The following MARCHF6 variants were observed in gnomAD, a reference collection of about 807,000 sequenced individuals.
MARCHF6 encodes the protein E3 ubiquitin-protein ligase MARCHF6.
In MARCHF6, 31 loss-of-function variants were observed where a neutral mutation model predicts 133.7. The observed-to-expected ratio is 0.23, with a 90% CI of 0.17 to 0.31. The LOEUF (loss-of-function observed/expected upper bound fraction) is 0.31, where lower values mean the gene tolerates loss of function less well. MARCHF6 is among the 10% of genes least tolerant of loss of function. The pLI is 1.00. For missense variants in MARCHF6, 723 were observed against 1,121.6 expected, an observed-to-expected ratio of 0.64 and a Z score of 5.08; for synonymous variants, 395 against 402.5, an observed-to-expected ratio of 0.98 and a Z score of 0.22.
intron 9 of MARCHF6, among the ~76,000 whole-genome samples, 179 bp downstream of exon 9, chr5:10,394,964 TA>T (rs1469232783): frequency 2.0e-5 from 3 of 152,130 alleles, no homozygotes; most frequent in African/African-American, 7.2e-5. Flanking sequence ...CATGCCCGGC[TA>T]ATTTTTTGTA....
At chr5:10,417,153 G>A (rs541225303) in intron 21 of MARCHF6, 117 bp from the exon 22 acceptor site, 1 of 1,167,816 alleles carries the variant, frequency 8.6e-7, no homozygotes. Flanking sequence ...AGTCCCCGTG[G>A]ATACTGAGGG....
rs550547711 is a variant in MARCHF6, at chr5:10,353,893, G to C, written c.-6G>C. On this transcript the variant is annotated 5_prime_UTR_variant, in exon 1 of 26. Transcript: ENST00000274140. ...TGGCTGCGTCACCGCCGCCCCCCCA[G>C]ACAAGATGGACACCGCGGAGGAAGG... The C allele has an allele frequency of 1.3e-6, 2 of 1,564,724 alleles. No individual in the cohort carries two copies. Among genetic ancestry groups the C allele is most frequent in the Non-Finnish European group, 1.7e-6 (2 of 1,159,652 alleles).
intron 6 of MARCHF6, among the ~76,000 whole-genome samples, chr5:10,391,052 G>C (rs185601338): frequency 6.6e-6 from 1 of 152,304 alleles, no homozygotes; most frequent in African/African-American, 2.4e-5. Flanking sequence ...TCCCACATCA[G>C]ATACATTTAA....
At chr5:10,396,945 T>G (rs1483351172) in intron 9 of MARCHF6, among the ~76,000 whole-genome samples, 1 of 152,238 alleles carries the variant, frequency 6.6e-6, no homozygotes, top group Non-Finnish European at 1.5e-5. Context: ...GGCTTTCAAA[T>G]TTTTCTCCAT....
chr5:10,364,707 G>A (rs1030800776), intron 1 of MARCHF6, among the ~76,000 whole-genome samples: 6 of 152,202 alleles, frequency 3.9e-5, no homozygotes, highest in African/African-American at 1.4e-4. Context: ...ACCATGACTT[G>A]CGTATCTGTT....
intron 1 of MARCHF6, among the ~76,000 whole-genome samples, chr5:10,375,463 G>T (rs1165459607): frequency 2.0e-5 from 3 of 152,268 alleles, no homozygotes; most frequent in Non-Finnish European, 4.4e-5. Flanking sequence ...CTCCTGTGCG[G>T]CCCGAGCCTC....
At chr5:10,396,619 G>A (rs913604569) in intron 9 of MARCHF6, among the ~76,000 whole-genome samples, 2 of 152,208 alleles carry the variant, frequency 1.3e-5, no homozygotes, top group Non-Finnish European at 2.9e-5. Context: ...GGGCATGAAT[G>A]AATGGACTTG....
chr5:10,401,128 C>G lies in MARCHF6; in HGVS notation c.972+286C>G, dbSNP rs186892867. On this transcript the variant is annotated intron_variant, in intron 11 of 25. Coordinates refer to ENST00000274140, the MANE Select transcript of MARCHF6 (RefSeq NM_005885.4). ...GCTGATTTTCTGTCCATCTCAAGAA[C>G]CTGTATGTTCTCTTCTTTCCCTTTC... 801 of 326,810 alleles carry G rather than the reference C, an allele frequency of 2.5e-3. 3 individuals carry two copies. Among genetic ancestry groups the G allele is most frequent in the South Asian group, 5.4e-3 (100 of 18,420 alleles). 20.2% of individuals were successfully genotyped at this position (326,810 alleles called of 1,614,324 possible). A position where few individuals can be genotyped will look rare whatever the true frequency, so the allele number is the denominator to read the frequency against.
chr5:10,365,625 C>T (rs1736098205), intron 1 of MARCHF6, among the ~76,000 whole-genome samples: 1 of 152,158 alleles, frequency 6.6e-6, no homozygotes, highest in African/African-American at 2.4e-5. Flanking sequence ...GTTTGCAAGG[C>T]CTAATTCCCA....
At chr5:10,420,232 C>T (rs1652700165) in intron 22 of MARCHF6, among the ~76,000 whole-genome samples, 1 of 152,186 alleles carries the variant, frequency 6.6e-6, no homozygotes, top group African/African-American at 2.4e-5. Flanking sequence ...AGGCCTACAA[C>T]ATCACTTTTC....
Position 10,353,795 on chromosome 5 carries a change from G to T in MARCHF6, c.-104G>T. On this transcript the variant is annotated 5_prime_UTR_variant, in exon 1 of 26. Transcript: ENST00000274140. ...CTCGCTTCCTCTCTCGCACCTGAGC[G>T]TACGCACCTGCCCGGGCCCGGCTCC... 1 of 1,004,912 alleles carries T rather than the reference G, an allele frequency of 1.0e-6. No individual in the cohort carries two copies. Among genetic ancestry groups the T allele is most frequent in the South Asian group, 1.4e-5 (1 of 70,390 alleles). The allele number at this position is 1,004,912 out of a possible 1,614,324, so 62.2% of individuals were successfully genotyped here.
chr5:10,428,928 T>A (rs1369163620), intron 24 of MARCHF6, among the ~76,000 whole-genome samples: 1 of 152,212 alleles, frequency 6.6e-6, no homozygotes, highest in South Asian at 2.1e-4. Flanking sequence ...TTGCCCTGTT[T>A]AGATGCTTTA....
intron 22 of MARCHF6, among the ~76,000 whole-genome samples, chr5:10,422,428 C>T (rs1008119207): frequency 2.0e-5 from 3 of 152,062 alleles, no homozygotes; most frequent in Non-Finnish European, 2.9e-5. Context: ...GATAAAAACA[C>T]GTAATTGGGT....
At chr5:10,399,470 G>C (rs148492362) in intron 10 of MARCHF6, among the ~76,000 whole-genome samples, 1 of 151,856 alleles carries the variant, frequency 6.6e-6, no homozygotes, top group Non-Finnish European at 1.5e-5. Context: ...AATCTACTGC[G>C]CTGTCGATTT....
chr5:10,411,551 A>G lies in MARCHF6; in HGVS notation c.1896+14A>G, dbSNP rs1293082688. On this transcript the variant is annotated intron_variant, in intron 19 of 25. Coordinates refer to ENST00000274140, the MANE Select transcript of MARCHF6 (RefSeq NM_005885.4). ...TTTCCACTCAGGGTAGGTGCTATAC[A>G]GACTTAATCACATATAGAGGTTTTT... is the stretch of plus-strand genomic sequence containing the variant. The G allele has an allele frequency of 6.3e-7, 1 of 1,587,900 alleles. No individual in the cohort carries two copies.
intron 1 of MARCHF6, among the ~76,000 whole-genome samples, chr5:10,366,632 AG>A (rs1018525921): frequency 1.3e-5 from 2 of 152,242 alleles, no homozygotes; most frequent in Non-Finnish European, 2.9e-5. Context: ...GAAGAAAAAG[AG>A]GGCTCCCTGC....
intron 10 of MARCHF6, among the ~76,000 whole-genome samples, chr5:10,400,367 C>T (rs1031379950): frequency 1.3e-4 from 20 of 152,244 alleles, no homozygotes; most frequent in Admixed American, 1.2e-3. Context: ...ATTAACTATT[C>T]ACATGGGTGT....
At chr5:10,416,821 C>A (rs1363493248) in intron 21 of MARCHF6, among the ~76,000 whole-genome samples, 6 of 152,206 alleles carry the variant, frequency 3.9e-5, no homozygotes, top group Non-Finnish European at 5.9e-5. Context: ...CCATATTTGA[C>A]AGATACAGGG....
intron 4 of MARCHF6, among the ~76,000 whole-genome samples, chr5:10,384,132 C>T (rs190987461): frequency 1.3e-5 from 2 of 152,170 alleles, no homozygotes; most frequent in Admixed American, 1.3e-4. Context: ...ATTACCTCAA[C>T]CTAACACAGA....
Sources: gnomAD v4.1 joint callset for allele counts (sites outside exome capture counted in the v4.1 genomes callset) on GRCh38, gnomAD v4.1.1 for gene constraint, MANE v1.5 for transcripts, NCBI Gene and HGNC (gene_info 2026-07-23, HGNC 2026-07-21) for gene names.